The following KDM2A variants were observed in gnomAD, a reference collection of about 807,000 sequenced individuals.
KDM2A encodes lysine-specific demethylase 2A.
KDM2A carries 3 observed loss-of-function variants against 137.3 expected under a neutral mutation model. The observed-to-expected ratio is 0.02, with a 90% CI of 0.01 to 0.06. KDM2A has a LOEUF of 0.06. Ranked by LOEUF, KDM2A falls within the 10% of genes least tolerant of loss-of-function variation. KDM2A has a pLI of 1.00. For missense variants in KDM2A, 738 were observed against 1,510.6 expected (o/e 0.49, Z 8.48); for synonymous variants, 512 against 541.5 (o/e 0.95, Z 0.76).
At chr11:67,216,658 C>T (rs1480699100) in intron 8 of KDM2A, among the ~76,000 whole-genome samples, 2 of 152,218 alleles carry the variant, frequency 1.3e-5, no homozygotes, top group African/African-American at 2.4e-5. Flanking sequence ...TGGTGGCTCA[C>T]GCCTGTAATC....
At chr11:67,231,375 G>A (rs779584477) in intron 11 of KDM2A, among the ~76,000 whole-genome samples, 191 bp from the exon 12 acceptor site, 79 of 152,190 alleles carry the variant, frequency 5.2e-4, no homozygotes, top group Middle Eastern at 6.8e-3. Flanking sequence ...CCTAGGTCAG[G>A]ATCCTGTTTC....
At position 67,219,385 on chromosome 11, in the gene KDM2A, C is replaced by A; in HGVS notation, c.939C>A (p.Asn313Lys). The A allele has an allele frequency of 6.2e-7, 1 of 1,601,262 alleles. No individual in the cohort carries two copies. Among genetic ancestry groups the A allele is most frequent in the Non-Finnish European group, 8.5e-7 (1 of 1,173,040 alleles). The part of the protein sequence containing the change: ...FNIPMQLKIY[N>K]IEDRTRVPNK... ...TCCCTATGCAGTTAAAAATATACAA[C>A]ATTGAAGATCGGACACGGGTAAGTA... The change falls in exon 10 of 21, where the codon AAC becomes AAA. Residue 313 changes from asparagine (N) to lysine (K), a missense_variant. Physicochemically the swap from Asn to Lys is moderately conservative, Grantham distance 94. Coordinates refer to ENST00000529006, the MANE Select transcript of KDM2A (RefSeq NM_012308.3).
At chr11:67,175,645 T>C (rs1241128133) in intron 2 of KDM2A, among the ~76,000 whole-genome samples, 2 of 152,180 alleles carry the variant, frequency 1.3e-5, no homozygotes, top group Non-Finnish European at 2.9e-5. Flanking sequence ...ATGAAAAAGA[T>C]CAGGGGAACT....
intron 12 of KDM2A, chr11:67,240,157 C>A: frequency 6.8e-7 from 1 of 1,472,262 alleles, no homozygotes; most frequent in Non-Finnish European, 9.0e-7. Context: ...GAGCGCTGCA[C>A]GCTGCTCCCT....
intron 6 of KDM2A, among the ~76,000 whole-genome samples, chr11:67,208,706 G>A (rs1485855925): frequency 6.7e-6 from 1 of 150,146 alleles, no homozygotes; most frequent in Admixed American, 6.7e-5. Context: ...GGGAGGCAGA[G>A]GTTGCAGTGA....
At chr11:67,191,641 C>A (rs1857357208) in intron 5 of KDM2A, among the ~76,000 whole-genome samples, 1 of 152,054 alleles carries the variant, frequency 6.6e-6, no homozygotes, top group Non-Finnish European at 1.5e-5. Flanking sequence ...AATTCAACAC[C>A]TTTTCATGAT....
intron 2 of KDM2A, among the ~76,000 whole-genome samples, chr11:67,135,693 C>T (rs1322711618): frequency 1.3e-5 from 2 of 152,136 alleles, no homozygotes; most frequent in Non-Finnish European, 2.9e-5. Context: ...ACTTCTTTGT[C>T]TCTTGTGTCT....
At chr11:67,206,449 T>A (rs910750347) in intron 5 of KDM2A, among the ~76,000 whole-genome samples, 1 of 148,852 alleles carries the variant, frequency 6.7e-6, no homozygotes, top group Non-Finnish European at 1.5e-5. Flanking sequence ...ATTAAAGAAA[T>A]AAATAGGCTG....
chr11:67,160,735 C>T (rs1283601340), intron 2 of KDM2A, among the ~76,000 whole-genome samples: 1 of 152,080 alleles, frequency 6.6e-6, no homozygotes, highest in Non-Finnish European at 1.5e-5. Flanking sequence ...AGTGCCATTG[C>T]ACGCCAGCCT....
At chr11:67,251,968 C>T (rs1392708638) in intron 17 of KDM2A, among the ~76,000 whole-genome samples, 1 of 152,202 alleles carries the variant, frequency 6.6e-6, no homozygotes, top group African/African-American at 2.4e-5. Context: ...CTCTCTTCCC[C>T]TGCCAACCAG....
At chr11:67,231,077 C>G (rs1413425806) in intron 11 of KDM2A, among the ~76,000 whole-genome samples, 2 of 152,040 alleles carry the variant, frequency 1.3e-5, no homozygotes, top group African/African-American at 4.8e-5. Context: ...CCACCTCACC[C>G]TCCCTAGTAT....
chr11:67,138,593 C>G (rs1335437543), intron 2 of KDM2A, among the ~76,000 whole-genome samples: 2 of 152,074 alleles, frequency 1.3e-5, no homozygotes, highest in East Asian at 3.9e-4. Context: ...CCAGCCTGAC[C>G]AACATGGCAA....
chr11:67,153,813 CAAA>C (rs199567529), intron 2 of KDM2A, among the ~76,000 whole-genome samples: 3 of 79,566 alleles, frequency 3.8e-5, no homozygotes, highest in East Asian at 4.3e-4. Flanking sequence ...GACCCTGTCT[CAAA>C]AAAAAAAAAA....
intron 2 of KDM2A, among the ~76,000 whole-genome samples, chr11:67,137,892 G>A (rs1227444054): frequency 6.6e-6 from 1 of 152,122 alleles, no homozygotes; most frequent in Non-Finnish European, 1.5e-5. Context: ...CTGCCTCCCA[G>A]GTTCAAGTGA....
rs57554464 is a variant in KDM2A, at chr11:67,228,697, AAAAAAAG to A, written c.1084+538_1084+544del. ...TGAAACCCTGTTGCGAAAAAAAAAAAAAAAAAGAAAGAAAGAACGATGATCAGTTGTC... is the reference window on the plus strand; with the variant it reads ...TGAAACCCTGTTGCGAAAAAAAAAAAAAAGAAAGAACGATGATCAGTTGTC... On this transcript the variant is annotated intron_variant, in intron 11 of 20. Transcript: ENST00000529006. Among the ~76,000 whole-genome samples, 1,338 of 151,684 alleles carry A rather than the reference AAAAAAAG, an allele frequency of 8.8e-3. 19 individuals carry two copies. Among genetic ancestry groups the A allele is most frequent in the African/African-American group, 0.031 (1,278 of 41,238 alleles).
At chr11:67,133,042 G>GA (rs1475244126) in intron 2 of KDM2A, among the ~76,000 whole-genome samples, 7 of 152,176 alleles carry the variant, frequency 4.6e-5, no homozygotes, top group African/African-American at 1.7e-4. Flanking sequence ...CTTAATTGGG[G>GA]ATGTTGAGCC....
intron 8 of KDM2A, 142 bp downstream of exon 8, chr11:67,216,091 G>A: frequency 2.8e-6 from 2 of 722,336 alleles, no homozygotes; most frequent in Non-Finnish European, 4.9e-6. Flanking sequence ...TATAGATTAA[G>A]TTCACCTTCT....
Position 67,245,239 on chromosome 11 carries a change from G to T in KDM2A, c.1614G>T (p.Thr538=). ...PKVRVPTIPI[T]KPHTMKPAPR... ...TGCGGGTTCCTACCATCCCCATTACGAAGCCTCACACTATGAAACCAGCTC... is the reference window on the plus strand; with the variant it reads ...TGCGGGTTCCTACCATCCCCATTACTAAGCCTCACACTATGAAACCAGCTC... The change falls in exon 14 of 21, where the codon ACG becomes ACT. Residue 538 remains threonine, a synonymous_variant. Coordinates refer to ENST00000529006, the MANE Select transcript of KDM2A (RefSeq NM_012308.3). The surrounding 1 kb of genome is among the most constrained non-coding windows in gnomAD (Gnocchi z 4.1). The T allele has an allele frequency of 1.9e-6, 3 of 1,613,872 alleles. No homozygotes were observed. Among genetic ancestry groups the T allele is most frequent in the Non-Finnish European group, 2.5e-6 (3 of 1,179,868 alleles).
In KDM2A at chr11:67,245,739, G is replaced by T; in HGVS notation, c.1834-246G>T. ...TTCCCCTCTTCAGGTAGATTAGAAA[G>T]GACCGGGGAGGCCAAGTATAGGCCA... is the stretch of plus-strand genomic sequence containing the variant. On this transcript the variant is annotated intron_variant, in intron 14 of 20. Coordinates refer to ENST00000529006, the MANE Select transcript of KDM2A (RefSeq NM_012308.3). The surrounding 1 kb of genome is among the most constrained non-coding windows in gnomAD (Gnocchi z 4.1). 1 of 597,540 alleles carries T rather than the reference G, an allele frequency of 1.7e-6. No individual in the cohort carries two copies. Among genetic ancestry groups the T allele is most frequent in the Non-Finnish European group, 2.9e-6 (1 of 344,062 alleles). The allele number at this position is 597,540 out of a possible 1,614,324, so 37.0% of individuals were successfully genotyped here. A position where few individuals can be genotyped will look rare whatever the true frequency, so the allele number is the denominator to read the frequency against.
Sources: gnomAD v4.1 joint callset for allele counts (sites outside exome capture counted in the v4.1 genomes callset) on GRCh38, gnomAD v4.1.1 for gene constraint, Gnocchi (gnomAD v3.1) non-coding constraint, MANE v1.5 for transcripts, NCBI Gene and HGNC (gene_info 2026-07-23, HGNC 2026-07-21) for gene names.